Variants in INPP4B observed in about 807,000 individuals in gnomAD.
INPP4B encodes inositol polyphosphate-4-phosphatase type II B.
Under a neutral mutation model 122.5 loss-of-function variants are expected in INPP4B, and 55 were observed. That is an observed-to-expected ratio of 0.45 (90% CI 0.36 to 0.56). The LOEUF (loss-of-function observed/expected upper bound fraction) is 0.56. Ranked by LOEUF, INPP4B falls within the 20% of genes least tolerant of loss-of-function variation. The pLI is 0.00. For synonymous variants in INPP4B, 403 were observed against 388.7 expected (o/e 1.04, Z -0.43); for missense variants, 1,000 against 1,097.7 (o/e 0.91, Z 1.26).
chr4:142,442,240 A>C (rs1445416235), intron 3 of INPP4B, among the ~76,000 whole-genome samples: 1 of 151,800 alleles, frequency 6.6e-6, no homozygotes, highest in Non-Finnish European at 1.5e-5. Flanking sequence ...GTGAAATGCC[A>C]TCTCCACCAA....
intron 2 of INPP4B, chr4:142,560,613 C>G (rs1366173040): frequency 6.6e-6 from 1 of 152,124 alleles, no homozygotes; most frequent in Non-Finnish European, 1.5e-5. Context: ...TGGTGTAAGT[C>G]CAAGAGCCCA....
chr4:142,497,532 T>TGGTG (rs199683718), intron 2 of INPP4B, among the ~76,000 whole-genome samples: 25,468 of 152,000 alleles, frequency 0.17, 2,369 homozygotes, highest in East Asian at 0.39. Context: ...GTGTTTAATC[T>TGGTG]TTTCCTCACC....
intron 7 of INPP4B, among the ~76,000 whole-genome samples, chr4:142,323,393 C>T (rs927764960): frequency 6.6e-6 from 1 of 151,484 alleles, no homozygotes; most frequent in African/African-American, 2.4e-5. Context: ...CTTCATTGCA[C>T]CTAAACATGC....
At chr4:142,156,460 A>G (rs111387720) in intron 17 of INPP4B, among the ~76,000 whole-genome samples, 6 of 152,226 alleles carry the variant, frequency 3.9e-5, no homozygotes, top group African/African-American at 1.2e-4. Context: ...AAGAAAAGTA[A>G]TATGTCATCT....
At position 142,111,496 on chromosome 4, in the gene INPP4B, G is replaced by A. The variant is rs538468711; in HGVS notation, c.2276+1046C>T. Among the ~76,000 whole-genome samples, 11 of 151,860 alleles carry A rather than the reference G, an allele frequency of 7.2e-5. No individual in the cohort carries two copies. The East Asian group carries it at 7.8e-4, about 11-fold the overall frequency. On this transcript the variant is annotated intron_variant, in intron 22 of 25. Transcript: ENST00000262992. Reference sequence around the variant, plus strand: ...CAAATAGCTGAGATTACAGGCACCCGCCACTATGCCCAGCTAATTTTTGTA... The same window carrying A: ...CAAATAGCTGAGATTACAGGCACCCACCACTATGCCCAGCTAATTTTTGTA...
intron 2 of INPP4B, among the ~76,000 whole-genome samples, chr4:142,648,052 A>G (rs1020135819): frequency 6.6e-6 from 1 of 152,190 alleles, no homozygotes; most frequent in Non-Finnish European, 1.5e-5. Flanking sequence ...GTTAAAATTA[A>G]TTTCTTAGAA....
chr4:142,455,786 TC>T (rs1416989493), intron 3 of INPP4B, among the ~76,000 whole-genome samples: 2 of 152,026 alleles, frequency 1.3e-5, no homozygotes, highest in African/African-American at 4.8e-5. Context: ...GTATGGGGGT[TC>T]CCTTTCTGCA....
At chr4:142,737,009 T>G (rs1424436939) in intron 1 of INPP4B, among the ~76,000 whole-genome samples, 3 of 152,114 alleles carry the variant, frequency 2.0e-5, no homozygotes. Context: ...GTAGGAAGAA[T>G]CAATATCATG....
chr4:142,512,892 C>A (rs193147554), intron 2 of INPP4B, among the ~76,000 whole-genome samples: 1 of 152,082 alleles, frequency 6.6e-6, no homozygotes, highest in Non-Finnish European at 1.5e-5. Context: ...TACCCAAAAC[C>A]CACCACCACG....
intron 25 of INPP4B, among the ~76,000 whole-genome samples, chr4:142,072,849 A>T (rs1768338057): frequency 6.6e-6 from 1 of 152,106 alleles, no homozygotes; most frequent in African/African-American, 2.4e-5. Context: ...ACTGCTTACT[A>T]TGAACTATAC....
intron 4 of INPP4B, among the ~76,000 whole-genome samples, chr4:142,430,808 A>T (rs951330132): frequency 1.3e-5 from 2 of 152,132 alleles, no homozygotes; most frequent in African/African-American, 4.8e-5. Flanking sequence ...GTATAAAAAA[A>T]TTCCCATATA....
At chr4:142,820,506 A>C (rs1345268258) in intron 1 of INPP4B, among the ~76,000 whole-genome samples, 1 of 152,150 alleles carries the variant, frequency 6.6e-6, no homozygotes, top group Non-Finnish European at 1.5e-5. Context: ...AGCCTGCAGA[A>C]CTGTGAGCCA....
intron 2 of INPP4B, among the ~76,000 whole-genome samples, chr4:142,645,130 TTC>T (rs1263195097): frequency 6.6e-6 from 1 of 152,164 alleles, no homozygotes; most frequent in East Asian, 1.9e-4. Flanking sequence ...TAATTTTAAA[TTC>T]TGTCTCACAA....
rs147714362 is a variant in INPP4B, at chr4:142,232,958, A to G, written c.836+4906T>C. Among the ~76,000 whole-genome samples the G allele has an allele frequency of 2.5e-3, 388 of 152,248 alleles. 4 individuals carry two copies. The highest frequency in any genetic ancestry group is 8.8e-3 in the African/African-American group (365 of 41,560). On this transcript the variant is annotated intron_variant, in intron 12 of 25. Coordinates refer to ENST00000262992, the MANE Select transcript of INPP4B (RefSeq NM_001101669.3). ...TCTTCAATTCTATAAAGGCTGAGAG[A>G]GGTGAGTAAGCCAAAGAAGAAAATT...
At chr4:142,064,583 T>C (rs1380295832) in intron 25 of INPP4B, among the ~76,000 whole-genome samples, 1 of 152,216 alleles carries the variant, frequency 6.6e-6, no homozygotes, top group Non-Finnish European at 1.5e-5. Flanking sequence ...GAGCAGCTGC[T>C]ATAAAATTGG....
chr4:142,282,230 T>C (rs1439113351), intron 9 of INPP4B, among the ~76,000 whole-genome samples: 1 of 152,236 alleles, frequency 6.6e-6, no homozygotes, highest in Non-Finnish European at 1.5e-5. Flanking sequence ...TACATCCTTC[T>C]TGGGGCAAGA....
At chr4:142,223,331 T>C (rs1195081915) in intron 12 of INPP4B, among the ~76,000 whole-genome samples, 4 of 152,022 alleles carry the variant, frequency 2.6e-5, no homozygotes, top group African/African-American at 7.3e-5. Flanking sequence ...AATCAGGAAA[T>C]TGAGAGATTA....
chr4:142,690,623 A>T (rs1415213019), intron 2 of INPP4B, among the ~76,000 whole-genome samples: 1 of 152,212 alleles, frequency 6.6e-6, no homozygotes, highest in Non-Finnish European at 1.5e-5. Context: ...GCTCCCCTGC[A>T]GAGAACTGCT....
chr4:142,346,488 A>G (rs566877450), intron 7 of INPP4B, among the ~76,000 whole-genome samples: 51 of 152,030 alleles, frequency 3.4e-4, no homozygotes, highest in Non-Finnish European at 7.1e-4. Flanking sequence ...GTGGAAAAAG[A>G]TAAAAGTCTC....
Sources: gnomAD v4.1 joint callset for allele counts (sites outside exome capture counted in the v4.1 genomes callset) on GRCh38, gnomAD v4.1.1 for gene constraint, MANE v1.5 for transcripts, NCBI Gene and HGNC (gene_info 2026-07-23, HGNC 2026-07-21) for gene names.